Variants in FUT8 observed in about 807,000 individuals in gnomAD.
The protein encoded by FUT8 is fucosyltransferase 8, also known as alpha-(1,6)-fucosyltransferase.
A neutral mutation model predicts 71.3 loss-of-function variants in FUT8; 29 were observed. The ratio of observed to expected loss-of-function variants is 0.41; its 90% CI spans 0.30 to 0.55. The LOEUF (loss-of-function observed/expected upper bound fraction) is 0.55. Among genes scored for constraint, FUT8 ranks in the 20% least tolerant of loss-of-function variants. The pLI, the probability that FUT8 is intolerant of heterozygous loss-of-function variation, is 0.34. For missense variants in FUT8, 544 were observed against 702.1 expected (o/e 0.77, Z 2.55); for synonymous variants, 254 against 239.3 (o/e 1.06, Z -0.57).
intron 7 of FUT8, among the ~76,000 whole-genome samples, chr14:65,699,145 TACACACACACACACACACACAC>T (rs60092488): frequency 5.7e-4 from 75 of 132,130 alleles, no homozygotes; most frequent in Non-Finnish European, 8.5e-4. Flanking sequence ...CCCTCCCTTC[TACACACACACACACACACACAC>T]ACACACACAC....
intron 2 of FUT8, among the ~76,000 whole-genome samples, chr14:65,531,525 T>A (rs561982104): frequency 6.6e-6 from 1 of 152,242 alleles, no homozygotes; most frequent in African/African-American, 2.4e-5. Flanking sequence ...TCTGAAGAGA[T>A]GAGGGTCAGG....
chr14:65,454,365 G>A (rs2065868820), intron 1 of FUT8, among the ~76,000 whole-genome samples: 1 of 152,118 alleles, frequency 6.6e-6, no homozygotes, highest in African/African-American at 2.4e-5. Context: ...GGTGGCTCAT[G>A]TTTGCAATCC....
At chr14:65,624,509 G>A (rs1889792180) in intron 5 of FUT8, among the ~76,000 whole-genome samples, 1 of 152,180 alleles carries the variant, frequency 6.6e-6, no homozygotes, top group South Asian at 2.1e-4. Flanking sequence ...CATAAACCAT[G>A]CTAATGCTTA....
intron 1 of FUT8, among the ~76,000 whole-genome samples, chr14:65,435,922 CT>C (rs374407475): frequency 0.12 from 14,042 of 121,698 alleles, 383 homozygotes; most frequent in African/African-American, 0.16. Context: ...GATATCTTCC[CT>C]TTTTTTTTTT....
At chr14:65,589,015 TCG>T (rs1355664804) in intron 3 of FUT8, among the ~76,000 whole-genome samples, 1 of 152,156 alleles carries the variant, frequency 6.6e-6, no homozygotes, top group African/African-American at 2.4e-5. Context: ...CTTTTTCTTG[TCG>T]CTCTCAATCT....
At chr14:65,429,861 CAAAAAAAAAAAAAAAAAA>C (rs58941594) in intron 1 of FUT8, among the ~76,000 whole-genome samples, 3 of 81,006 alleles carry the variant, frequency 3.7e-5, no homozygotes, top group Non-Finnish European at 2.3e-5. Flanking sequence ...GAGACTGTCT[CAAAAAAAAAAAAAAAAAA>C]AAAAAAAAGA....
intron 7 of FUT8, among the ~76,000 whole-genome samples, chr14:65,707,843 G>T (rs768796048): frequency 6.6e-6 from 1 of 152,104 alleles, no homozygotes; most frequent in Non-Finnish European, 1.5e-5. Flanking sequence ...CTGTTTTTAT[G>T]CCAGTACCAT....
intron 6 of FUT8, among the ~76,000 whole-genome samples, chr14:65,653,310 G>A (rs767479155): frequency 6.6e-6 from 1 of 152,088 alleles, no homozygotes; most frequent in Non-Finnish European, 1.5e-5. Flanking sequence ...TGACCATCTC[G>A]ATGTCATTCA....
chr14:65,455,318 C>T (rs997300755), intron 1 of FUT8, among the ~76,000 whole-genome samples: 2 of 152,100 alleles, frequency 1.3e-5, no homozygotes, highest in Non-Finnish European at 2.9e-5. Flanking sequence ...AAAAGATAGA[C>T]AAAGTTAAAG....
At chr14:65,367,873 C>A in the FUT8 span, among the ~76,000 whole-genome samples, 1 of 152,114 alleles carries the variant, frequency 6.6e-6, no homozygotes, top group Non-Finnish European at 1.5e-5. Flanking sequence ...CCTCTCCAAT[C>A]CCATTTCTTT....
At chr14:65,640,089 A>G (rs1347599285) in intron 6 of FUT8, among the ~76,000 whole-genome samples, 1 of 152,126 alleles carries the variant, frequency 6.6e-6, no homozygotes, top group African/African-American at 2.4e-5. Flanking sequence ...AGAGAAGTGA[A>G]TGGTCAGAAG....
At chr14:65,360,695 GT>G in the FUT8 span, among the ~76,000 whole-genome samples, 6 of 152,136 alleles carry the variant, frequency 3.9e-5, no homozygotes, top group African/African-American at 1.4e-4. Flanking sequence ...TTGTGCCTGG[GT>G]TTTCTCATCT....
chr14:65,426,542 A>G (rs1333168813), intron 1 of FUT8, among the ~76,000 whole-genome samples: 2 of 152,202 alleles, frequency 1.3e-5, no homozygotes, highest in Admixed American at 1.3e-4. Context: ...GGGGAGGCTT[A>G]AAGGATAGAA....
chr14:65,429,155 AAAG>A (rs2065431552), intron 1 of FUT8, among the ~76,000 whole-genome samples: 1 of 152,220 alleles, frequency 6.6e-6, no homozygotes, highest in Non-Finnish European at 1.5e-5. Flanking sequence ...TAGTATAAAA[AAAG>A]AGAATTGAAT....
At position 65,683,256 on chromosome 14, in the gene FUT8, G is replaced by A. The variant is rs563246679; in HGVS notation, c.835+13776G>A. Among the ~76,000 whole-genome samples, 493 of 152,054 alleles carry A rather than the reference G, an allele frequency of 3.2e-3. 3 individuals carry two copies. The highest frequency in any genetic ancestry group is 0.011 in the African/African-American group (445 of 41,462). ...TCTCGAACTCCTGACCTCGTGATCCGCCCGCCTGGGCCTCCTAAAGTGCTG... is the reference window on the plus strand; with the variant it reads ...TCTCGAACTCCTGACCTCGTGATCCACCCGCCTGGGCCTCCTAAAGTGCTG... On this transcript the variant is annotated intron_variant, in intron 7 of 10. Coordinates refer to ENST00000673929, the MANE Select transcript of FUT8 (RefSeq NM_001371533.1).
intron 1 of FUT8, 113 bp from the exon 2 acceptor site, chr14:65,455,508 G>T: frequency 2.6e-6 from 1 of 391,766 alleles, no homozygotes. Flanking sequence ...AAGTGAATTT[G>T]CATGTTATGA....
At chr14:65,586,349 G>T (rs1887381257) in intron 3 of FUT8, among the ~76,000 whole-genome samples, 1 of 152,158 alleles carries the variant, frequency 6.6e-6, no homozygotes, top group African/African-American at 2.4e-5. Flanking sequence ...TAGGAATGCA[G>T]TTCTTAGCTA....
chr14:65,431,906 A>C lies in FUT8; in HGVS notation c.-326+18692A>C, dbSNP rs115877877. ...CTAGCAACAATTTAATGGCTTAAAC[A>C]AAAACCTTTCCTTATTATTATTATT... On this transcript the variant is annotated intron_variant, in intron 1 of 10. Coordinates refer to ENST00000673929, the MANE Select transcript of FUT8 (RefSeq NM_001371533.1). Among the ~76,000 whole-genome samples, 1,273 of 152,226 alleles carry C rather than the reference A, an allele frequency of 8.4e-3. 18 individuals are homozygous for C. Among genetic ancestry groups the C allele is most frequent in the African/African-American group, 0.029 (1,220 of 41,560 alleles).
At chr14:65,544,735 C>G (rs765807492) in intron 2 of FUT8, among the ~76,000 whole-genome samples, 1 of 151,984 alleles carries the variant, frequency 6.6e-6, no homozygotes, top group Non-Finnish European at 1.5e-5. Flanking sequence ...AAGATATTGG[C>G]TGATTTCAGT....
Sources: gnomAD v4.1 joint callset for allele counts (sites outside exome capture counted in the v4.1 genomes callset) on GRCh38, gnomAD v4.1.1 for gene constraint, MANE v1.5 for transcripts, NCBI Gene and HGNC (gene_info 2026-07-23, HGNC 2026-07-21) for gene names.